Variants in SI observed in about 807,000 individuals in gnomAD.
SI encodes the protein sucrase-isomaltase, intestinal.
Under a neutral mutation model 253.3 loss-of-function variants are expected in SI, and 235 were observed. That is an observed-to-expected ratio of 0.93 (90% CI 0.83 to 1.03). SI has a LOEUF of 1.03. Ranked by LOEUF, SI falls within the 50% of genes least tolerant of loss-of-function variation. The probability of loss-of-function intolerance (pLI) is 0.00; values close to 1 mark genes in which losing one functional copy is unlikely to be tolerated. For synonymous variants in SI, 819 were observed against 712.0 expected (o/e 1.15, Z -2.39); for missense variants, 2,442 against 2,211.1 (o/e 1.10, Z -2.09).
intron 29 of SI, 40 bp from the exon 30 acceptor site, chr3:165,017,913 A>C: frequency 6.3e-7 from 1 of 1,577,230 alleles, no homozygotes; most frequent in Non-Finnish European, 8.7e-7. Context: ...ATCTATGTAT[A>C]CTAGTTTATG....
intron 45 of SI, 152 bp from the exon 46 acceptor site, chr3:164,983,203 C>T (rs1717279743): frequency 1.3e-6 from 1 of 750,406 alleles, no homozygotes; most frequent in African/African-American, 1.8e-5. Flanking sequence ...TTAACTAATT[C>T]AGATACAATC....
chr3:165,022,781 T>A (rs530621518), intron 26 of SI, among the ~76,000 whole-genome samples: 3 of 151,842 alleles, frequency 2.0e-5, no homozygotes, highest in South Asian at 2.1e-4. Flanking sequence ...ACTTAAAAGT[T>A]ATTTTATGAA....
At chr3:165,020,842 T>C (rs1434857155) in intron 27 of SI, among the ~76,000 whole-genome samples, 2 of 151,718 alleles carry the variant, frequency 1.3e-5, no homozygotes, top group Non-Finnish European at 3.0e-5. Flanking sequence ...ATTAATTCTA[T>C]CAGATTCAAG....
At chr3:165,017,523 A>G (rs748054003) in intron 31 of SI, 25 bp downstream of exon 31, 4 of 1,602,470 alleles carry the variant, frequency 2.5e-6, no homozygotes, top group Middle Eastern at 1.7e-4. Context: ...CATATTTAAC[A>G]TTGTTTTAAA....
At chr3:164,984,237 A>C (rs1717332043) in intron 45 of SI, among the ~76,000 whole-genome samples, 1 of 152,122 alleles carries the variant, frequency 6.6e-6, no homozygotes, top group African/African-American at 2.4e-5. Context: ...ACATTGAAAA[A>C]GCAGGATATT....
chr3:165,052,440 G>C (rs541988588), intron 13 of SI, among the ~76,000 whole-genome samples: 83 of 152,228 alleles, frequency 5.5e-4, no homozygotes, highest in African/African-American at 2.0e-3. Context: ...TGGATCATTT[G>C]AGTCCAGGAG....
In SI at chr3:165,036,313, A is replaced by T. The variant is rs1712525603; in HGVS notation, c.2515+76T>A. ...AAAAATTCGTGATATTTAAAAAATG[A>T]TACAACCTATATCAATAAAGCCAAA... On this transcript the variant is annotated intron_variant, in intron 22 of 47. Coordinates refer to ENST00000264382, the MANE Select transcript of SI (RefSeq NM_001041.4). 5.3e-6 allele frequency: 5 copies of T among 944,692 alleles called. No individual in the cohort carries two copies. The African/African-American group carries it at 6.5e-5, about 12-fold the overall frequency. 58.5% of individuals were successfully genotyped at this position (944,692 alleles called of 1,614,324 possible). A position where few individuals can be genotyped will look rare whatever the true frequency, so the allele number is the denominator to read the frequency against.
At position 165,049,536 on chromosome 3, in the gene SI, T is replaced by C. The variant is rs544348152; in HGVS notation, c.1597+255A>G. Among the ~76,000 whole-genome samples the C allele has an allele frequency of 7.1e-4, 108 of 152,200 alleles. 1 individual carries two copies. The highest frequency in any genetic ancestry group is 2.5e-3 in the African/African-American group (105 of 41,552). ...ACTTTAAAAATAACCTTTAACAATA[T>C]AGAAATATACCTATACCAAACTATA... On this transcript the variant is annotated intron_variant, in intron 14 of 47. Coordinates refer to ENST00000264382, the MANE Select transcript of SI (RefSeq NM_001041.4).
intron 7 of SI, 36 bp downstream of exon 7, chr3:165,065,225 G>T (rs1159617859): frequency 1.5e-6 from 2 of 1,341,344 alleles, no homozygotes; most frequent in Non-Finnish European, 1.1e-6. Context: ...CTGCAATATA[G>T]TGATTTTATT....
At chr3:165,060,860 TAA>T (rs958008582) in intron 9 of SI, among the ~76,000 whole-genome samples, 11 of 145,036 alleles carry the variant, frequency 7.6e-5, no homozygotes, top group African/African-American at 1.0e-4. Context: ...GTATATATAT[TAA>T]AAAAAAATAT....
chr3:164,997,760 TGTTA>T (rs1718077036), intron 38 of SI, among the ~76,000 whole-genome samples: 1 of 151,804 alleles, frequency 6.6e-6, no homozygotes, highest in Non-Finnish European at 1.5e-5. Flanking sequence ...TCTGTTCCTC[TGTTA>T]GTTTGCTTAA....
At chr3:165,022,357 A>G (rs1711667616) in intron 26 of SI, among the ~76,000 whole-genome samples, 1 of 151,664 alleles carries the variant, frequency 6.6e-6, no homozygotes. Flanking sequence ...ATAAATATGC[A>G]GCTAAATTTA....
intron 31 of SI, among the ~76,000 whole-genome samples, 157 bp downstream of exon 31, chr3:165,017,391 G>T (rs1438296764): frequency 6.6e-6 from 1 of 151,900 alleles, no homozygotes; most frequent in Non-Finnish European, 1.5e-5. Context: ...GTCTGACAAA[G>T]ACACTGTTTA....
At chr3:164,980,266 A>C (rs761642809) in intron 47 of SI, among the ~76,000 whole-genome samples, 1 of 151,968 alleles carries the variant, frequency 6.6e-6, no homozygotes, top group Non-Finnish European at 1.5e-5. Flanking sequence ...GTAATAGTTA[A>C]ATAATTGAGT....
chr3:165,082,849 C>A (rs1715382842), upstream of SI, among the ~76,000 whole-genome samples: 1 of 151,966 alleles, frequency 6.6e-6, no homozygotes, highest in Admixed American at 6.6e-5. Context: ...CAAGGAAGAG[C>A]AGGGTCTCTT....
intron 31 of SI, among the ~76,000 whole-genome samples, chr3:165,016,390 G>A: frequency 6.6e-6 from 1 of 151,958 alleles, no homozygotes; most frequent in East Asian, 1.9e-4. Flanking sequence ...GAAAGACACT[G>A]AGCAATAGGA....
chr3:165,023,424 T>C (rs560667144), intron 26 of SI, 146 bp downstream of exon 26: 14 of 633,152 alleles, frequency 2.2e-5, no homozygotes, highest in Non-Finnish European at 3.8e-5. Context: ...CTATGAGTTG[T>C]GTAGGAAAAA....
chr3:165,011,008 C>T, intron 34 of SI, among the ~76,000 whole-genome samples: 1 of 152,108 alleles, frequency 6.6e-6, no homozygotes, highest in East Asian at 1.9e-4. Flanking sequence ...AAATTTTTCA[C>T]AGTTACCTAA....
chr3:165,049,800 A>G lies in SI; in HGVS notation c.1588T>C (p.Phe530Leu). The G allele has an allele frequency of 1.9e-6, 3 of 1,589,486 alleles. No individual in the cohort carries two copies. The Middle Eastern group carries it at 5.6e-4, about 298-fold the overall frequency. ...CNVNKLNYPP[F>L]TPDILDKLMY... ...ACCAAATAAATTTTACCAGGAGTAA[A>G]CGGTGGATAATTCAATTTGTTTACA... Residue 530 changes from phenylalanine to leucine, a missense_variant, in exon 14 of 48, where the codon TTT (phenylalanine) becomes CTT (leucine). Phe to Leu is a conservative substitution (Grantham distance 22). Coordinates refer to ENST00000264382, the MANE Select transcript of SI (RefSeq NM_001041.4).
Sources: allele counts gnomAD v4.1 joint callset (sites outside exome capture counted in the v4.1 genomes callset), GRCh38; gene constraint gnomAD v4.1.1; transcripts MANE v1.5; gene names NCBI Gene and HGNC (gene_info 2026-07-23, HGNC 2026-07-21).